Variants in RESF1 observed in about 807,000 individuals in gnomAD.
The protein encoded by RESF1 is retroelement silencing factor 1.
A neutral mutation model predicts 134.7 loss-of-function variants in RESF1; 65 were observed. That is an observed-to-expected ratio of 0.48 (90% confidence interval 0.40 to 0.59). The LOEUF is 0.59. Ranked by LOEUF, RESF1 falls within the 20% of genes least tolerant of loss-of-function variation. The pLI is 0.00. For missense variants in RESF1, 2,274 were observed against 2,002.7 expected, an observed-to-expected ratio of 1.14 and a Z score of -2.59; for synonymous variants, 762 against 702.2, an observed-to-expected ratio of 1.09 and a Z score of -1.35.
chr12:31,961,871 A>G (rs185344604), intron 2 of RESF1, among the ~76,000 whole-genome samples: 3 of 152,264 alleles, frequency 2.0e-5, no homozygotes, highest in African/African-American at 4.8e-5. Context: ...CTAGATTATC[A>G]GTGTCTTGGA....
At chr12:31,988,566 C>G (rs1254114878) in intron 5 of RESF1, among the ~76,000 whole-genome samples, 1 of 152,050 alleles carries the variant, frequency 6.6e-6, no homozygotes, top group Non-Finnish European at 1.5e-5. Context: ...GCAGAAGTGT[C>G]CTGGAATCAG....
In RESF1 at chr12:31,984,620, C is replaced by G. The variant is rs1939913414; in HGVS notation, c.3665C>G (p.Ser1222Cys). ...TNSCKQGERTSDRDVTVVQFK... is the reference protein window; with the variant it reads ...TNSCKQGERTCDRDVTVVQFK... ...AGTTGTAAACAAGGAGAGAGAACTT[C>G]TGATAGAGATGTCACTGTTGTTCAA... The change falls in exon 4 of 6, where the codon TCT becomes TGT. Residue 1222 changes from serine to cysteine, a missense_variant. By Grantham distance (112) the Ser-to-Cys change is moderately radical. Transcript: ENST00000312561. 1 of 1,575,336 alleles carries G rather than the reference C, an allele frequency of 6.3e-7. No individual in the cohort carries two copies. The highest frequency in any genetic ancestry group is 8.6e-7 in the Non-Finnish European group (1 of 1,166,218).
intron 3 of RESF1, among the ~76,000 whole-genome samples, chr12:31,974,274 T>G (rs1939580538): frequency 6.6e-6 from 1 of 151,954 alleles, no homozygotes; most frequent in Non-Finnish European, 1.5e-5. Context: ...GACCACGTAT[T>G]AGTGCAAAAG....
chr12:31,981,977 A>G lies in RESF1; in HGVS notation c.1022A>G (p.Lys341Arg). The G allele has an allele frequency of 6.2e-7, 1 of 1,614,198 alleles. No individual in the cohort carries two copies. The highest frequency in any genetic ancestry group is 8.5e-7 in the Non-Finnish European group (1 of 1,180,028). Reference sequence around the variant, plus strand: ...ACAATTGGAAATTTCACTAACTTGAAAGTAAATACCAACAGCAAACAGCCT... The same window carrying G: ...ACAATTGGAAATTTCACTAACTTGAGAGTAAATACCAACAGCAAACAGCCT... ...VSTIGNFTNL[K>R]VNTNSKQPFN... The change falls in exon 4 of 6, where the codon AAA becomes AGA. Residue 341 changes from lysine (K) to arginine (R), a missense_variant. Physicochemically the swap from Lys to Arg is conservative, Grantham distance 26. Transcript: ENST00000312561.
chr12:31,983,727 G>T lies in RESF1; in HGVS notation c.2772G>T (p.Gln924His). The part of the protein sequence containing the change: ...SSLPLKMVEP[Q>H]KPSLPNQQGI... ...TTCCCTTGAAAATGGTTGAGCCACA[G>T]AAACCTTCTCTACCCAATCAGCAAG... The change falls in exon 4 of 6, where the codon CAG becomes CAT. Residue 924 changes from glutamine to histidine, a missense_variant. Physicochemically the swap from Gln to His is conservative, Grantham distance 24. Transcript: ENST00000312561. The T allele has an allele frequency of 6.2e-7, 1 of 1,613,830 alleles. No homozygotes were observed. Among genetic ancestry groups the T allele is most frequent in the South Asian group, 1.1e-5 (1 of 91,080 alleles).
chr12:31,989,162 C>A (rs61931397), intron 5 of RESF1, among the ~76,000 whole-genome samples: 1 of 150,696 alleles, frequency 6.6e-6, no homozygotes, highest in Non-Finnish European at 1.5e-5. Context: ...TTTGGGAGGC[C>A]GAGGCAGGCG....
chr12:31,984,203 A>G lies in RESF1; in HGVS notation c.3248A>G (p.Gln1083Arg), dbSNP rs1386002350. 1 of 1,613,940 alleles carries G rather than the reference A, an allele frequency of 6.2e-7. No individual in the cohort carries two copies. The highest frequency in any genetic ancestry group is 2.2e-5 in the East Asian group (1 of 44,882). ...EGSVGQQTTY[Q>R]TSEDQTADKT... ...TCTGTGGGCCAGCAAACTACATACC[A>G]GACCTCAGAAGATCAAACTGCTGAT... Residue 1083 changes from glutamine to arginine, a missense_variant, in exon 4 of 6, where the codon CAG becomes CGG. By Grantham distance (43) the Gln-to-Arg change is conservative. Coordinates refer to ENST00000312561, the MANE Select transcript of RESF1 (RefSeq NM_018169.4).
chr12:31,991,037 A>G (rs1037156406), intron 5 of RESF1, among the ~76,000 whole-genome samples: 8 of 151,978 alleles, frequency 5.3e-5, no homozygotes, highest in African/African-American at 1.7e-4. Context: ...TCTACAAATA[A>G]CTTTTTAAAA....
intron 5 of RESF1, among the ~76,000 whole-genome samples, chr12:31,991,326 A>C (rs1940088756): frequency 6.6e-6 from 1 of 152,226 alleles, no homozygotes; most frequent in Non-Finnish European, 1.5e-5. Context: ...AAAGCAACTT[A>C]GAGACCCATC....
At chr12:31,965,400 A>G (rs1343008761) in intron 2 of RESF1, among the ~76,000 whole-genome samples, 1 of 152,196 alleles carries the variant, frequency 6.6e-6, no homozygotes, top group Non-Finnish European at 1.5e-5. Context: ...ACGTGAATCC[A>G]TGGTAAACCT....
intron 2 of RESF1, among the ~76,000 whole-genome samples, chr12:31,969,639 T>C (rs1939465877): frequency 6.6e-6 from 1 of 152,192 alleles, no homozygotes; most frequent in Admixed American, 6.5e-5. Flanking sequence ...CTGGTTTGTT[T>C]GGTTTTCTTT....
intron 3 of RESF1, among the ~76,000 whole-genome samples, chr12:31,972,619 A>G (rs909937282): frequency 6.8e-6 from 1 of 147,090 alleles, no homozygotes; most frequent in African/African-American, 2.5e-5. Flanking sequence ...AAAAAAAAAA[A>G]AAAAAAGTGG....
At chr12:31,972,111 C>T (rs1226493986) in intron 3 of RESF1, among the ~76,000 whole-genome samples, 2 of 152,182 alleles carry the variant, frequency 1.3e-5, no homozygotes, top group Admixed American at 6.5e-5. Context: ...TGCCCCTTCT[C>T]ATGTGACCTT....
At position 31,982,870 on chromosome 12, in the gene RESF1, A is replaced by C. The variant is rs772855862; in HGVS notation, c.1915A>C (p.Asn639His). Residue 639 changes from asparagine to histidine, a missense_variant, in exon 4 of 6, where the codon AAT becomes CAT. By Grantham distance (68) the Asn-to-His change is moderately conservative. Coordinates refer to ENST00000312561, the MANE Select transcript of RESF1 (RefSeq NM_018169.4). Reference sequence around the variant, plus strand: ...GAACATGGAAACTCCAAGTACTTCTAATGTAAGTGGCAGGGTTTTGGACAA... The same window carrying C: ...GAACATGGAAACTCCAAGTACTTCTCATGTAAGTGGCAGGGTTTTGGACAA... Reference protein sequence around the residue: ...LKNMETPSTSNVSGRVLDNSF... With the variant: ...LKNMETPSTSHVSGRVLDNSF... 1 of 1,614,120 alleles carries C rather than the reference A, an allele frequency of 6.2e-7. No individual in the cohort carries two copies.
intron 3 of RESF1, among the ~76,000 whole-genome samples, chr12:31,977,870 A>G (rs773783531): frequency 1.3e-5 from 2 of 148,580 alleles, no homozygotes; most frequent in South Asian, 2.1e-4. Context: ...AAATGGTGCA[A>G]TCTCAGCTCA....
rs1939379066 is a variant in RESF1, at chr12:31,965,468, GC to G, written c.-247+4602del. Among the ~76,000 whole-genome samples, 5 of 152,230 alleles carry G rather than the reference GC, an allele frequency of 3.3e-5. No homozygotes were observed. In the South Asian group the frequency reaches 8.3e-4, roughly 25 times the overall value. ...AACTTGACTGTCTTGAGCCACTGCT[GC>G]CCCCGCTCCCACCCTGTGGAGTGTG... On this transcript the variant is annotated intron_variant, in intron 2 of 5. Transcript: ENST00000312561.
chr12:31,972,406 A>G (rs1011623280), intron 3 of RESF1, among the ~76,000 whole-genome samples: 21 of 152,002 alleles, frequency 1.4e-4, no homozygotes, highest in Non-Finnish European at 2.9e-5. Context: ...GGAGATCGAG[A>G]CCATCCTGGC....
intron 3 of RESF1, among the ~76,000 whole-genome samples, chr12:31,979,827 G>A (rs958370910): frequency 6.6e-6 from 1 of 151,904 alleles, no homozygotes; most frequent in African/African-American, 2.4e-5. Context: ...AGACTGCTGG[G>A]ATTACAGGCA....
chr12:31,973,159 A>T (rs1260165023), intron 3 of RESF1, among the ~76,000 whole-genome samples: 2 of 152,162 alleles, frequency 1.3e-5, no homozygotes, highest in South Asian at 4.1e-4. Flanking sequence ...TGGACCATGG[A>T]AACTTGTCTA....
Sources: allele counts gnomAD v4.1 joint callset (sites outside exome capture counted in the v4.1 genomes callset), GRCh38; gene constraint gnomAD v4.1.1; transcripts MANE v1.5; gene names NCBI Gene and HGNC (gene_info 2026-07-23, HGNC 2026-07-21).